Variants in CLUH observed in about 807,000 individuals in gnomAD.
CLUH encodes the protein clustered mitochondria protein homolog.
Under a neutral mutation model 139.3 loss-of-function variants are expected in CLUH, and 77 were observed. That is an observed-to-expected ratio of 0.55 (90% CI 0.46 to 0.67). The LOEUF is 0.67. Ranked by LOEUF, CLUH falls within the 30% of genes least tolerant of loss-of-function variation. CLUH has a pLI of 0.00. For missense variants in CLUH, 1,876 were observed against 1,875.8 expected (o/e 1.00, Z 0.00); for synonymous variants, 999 against 801.6 (o/e 1.25, Z -4.16).
intron 1 of CLUH, among the ~76,000 whole-genome samples, chr17:2,708,411 C>T (rs1287765411): frequency 1.3e-5 from 2 of 152,066 alleles, no homozygotes. Flanking sequence ...TGTTGACAAC[C>T]ACCTGCACTC....
chr17:2,695,338 C>G, intron 14 of CLUH, 36 bp downstream of exon 14: 2 of 1,613,270 alleles, frequency 1.2e-6, no homozygotes, highest in South Asian at 1.1e-5. Flanking sequence ...CCCAGTCCCA[C>G]AGCTCCCGTT....
At chr17:2,694,299 C>G in intron 17 of CLUH, 23 bp from the exon 18 acceptor site, 1 of 1,565,502 alleles carries the variant, frequency 6.4e-7, no homozygotes. Context: ...CCCCCCACCA[C>G]AGGAAGCCTC....
At chr17:2,700,200 T>C (rs2070122670) in intron 9 of CLUH, among the ~76,000 whole-genome samples, 182 bp downstream of exon 9, 1 of 152,074 alleles carries the variant, frequency 6.6e-6, no homozygotes, top group Non-Finnish European at 1.5e-5. Flanking sequence ...AGAAAGGTAC[T>C]GGGATGGTCT....
intron 9 of CLUH, among the ~76,000 whole-genome samples, chr17:2,699,804 G>A (rs986691208): frequency 6.6e-6 from 1 of 151,988 alleles, no homozygotes; most frequent in East Asian, 1.9e-4. Flanking sequence ...GCTAATTTTT[G>A]TATTTTTAGT....
At chr17:2,695,310 C>T (rs986716524) in intron 14 of CLUH, 30 bp from the exon 15 acceptor site, 1 of 1,613,594 alleles carries the variant, frequency 6.2e-7, no homozygotes, top group Non-Finnish European at 8.5e-7. Context: ...AGGTCTTGGT[C>T]AGGCCCCCGG....
chr17:2,703,977 C>G lies in CLUH; in HGVS notation c.303+385G>C, dbSNP rs557794324. Among the ~76,000 whole-genome samples, 9 of 152,218 alleles carry G rather than the reference C, an allele frequency of 5.9e-5. No homozygotes were observed. Among genetic ancestry groups the G allele is most frequent in the Non-Finnish European group, 1.0e-4 (7 of 68,042 alleles). ...GGCTTGCAAGACCTCCACGCTGGCTCTGCCCTTGGAGATAACCCAATACTA... is the reference window on the plus strand; with the variant it reads ...GGCTTGCAAGACCTCCACGCTGGCTGTGCCCTTGGAGATAACCCAATACTA... On this transcript the variant is annotated intron_variant, in intron 2 of 25. Coordinates refer to ENST00000651024, the MANE Select transcript of CLUH (RefSeq NM_001366661.1). This position sits in a 1 kb window ranked among gnomAD's most constrained non-coding sequence, Gnocchi z 4.2.
chr17:2,711,119 C>T (rs1275423093), intron 1 of CLUH: 1 of 152,266 alleles, frequency 6.6e-6, no homozygotes, highest in Non-Finnish European at 1.5e-5. Flanking sequence ...GGGCTGCAGC[C>T]CTGCGCACAG....
chr17:2,698,098 C>T lies in CLUH; in HGVS notation c.1759G>A (p.Val587Ile). Residue 587 changes from valine to isoleucine, a missense_variant, in exon 10 of 26, where the codon GTC becomes ATC. Coordinates refer to ENST00000651024, the MANE Select transcript of CLUH (RefSeq NM_001366661.1). ...TTGCCAATGATGCCCTTGCACTCGACCGAGGAGCAGAGCTCCACCTCCTCG... is the reference window on the plus strand; with the variant it reads ...TTGCCAATGATGCCCTTGCACTCGATCGAGGAGCAGAGCTCCACCTCCTCG... ...RDEEVELCSS[V>I]ECKGIIGNDG... is the part of the protein sequence containing the mutation. The T allele has an allele frequency of 1.2e-6, 2 of 1,603,406 alleles. No homozygotes were observed. Among genetic ancestry groups the T allele is most frequent in the Non-Finnish European group, 1.7e-6 (2 of 1,176,610 alleles).
At chr17:2,702,209 C>A (rs1364539680) in intron 3 of CLUH, among the ~76,000 whole-genome samples, 152 bp from the exon 4 acceptor site, 1 of 152,178 alleles carries the variant, frequency 6.6e-6, no homozygotes, top group Non-Finnish European at 1.5e-5. Flanking sequence ...AACACATAAG[C>A]TGGAGTTCTG....
rs777068967 is a variant in CLUH at position 2,694,205 on chromosome 17, G to A, written c.3009C>T (p.Ile1003=). The change falls in exon 18 of 26, where the codon ATC becomes ATT. Residue 1003 remains isoleucine, a synonymous_variant. Coordinates refer to ENST00000651024, the MANE Select transcript of CLUH (RefSeq NM_001366661.1). ...PAFTEEDVLN[I]FPVVKHVNPK... Reference sequence around the variant, plus strand: ...GGTTGACGTGCTTGACCACGGGGAAGATGTTGAGCACGTCCTCCTCGGTGA... The same window carrying A: ...GGTTGACGTGCTTGACCACGGGGAAAATGTTGAGCACGTCCTCCTCGGTGA... 17 of 1,613,526 alleles carry A rather than the reference G, an allele frequency of 1.1e-5. No individual in the cohort carries two copies. Among genetic ancestry groups the A allele is most frequent in the Non-Finnish European group, 1.4e-5 (16 of 1,179,712 alleles).
intron 25 of CLUH, among the ~76,000 whole-genome samples, chr17:2,690,997 G>A (rs2069603566): frequency 6.6e-6 from 1 of 152,162 alleles, no homozygotes; most frequent in South Asian, 2.1e-4. Flanking sequence ...GCTGCCCTCG[G>A]TGGCCTCCCT....
chr17:2,690,740 G>T lies in CLUH; in HGVS notation c.3901C>A (p.Arg1301=). The T allele has an allele frequency of 6.5e-7, 1 of 1,542,524 alleles. No individual in the cohort carries two copies. The change falls in exon 26 of 26, where the codon CGG becomes AGG. Residue 1301 remains arginine (R), a synonymous_variant. Transcript: ENST00000651024. ...DLENLKAEVA[R]RHQLQEASRN... ...CTGGCCTCCTGGAGCTGGTGCCGCCGCGCCACCTCGGCTTTCAGATTCTCC... is the reference window on the plus strand; with the variant it reads ...CTGGCCTCCTGGAGCTGGTGCCGCCTCGCCACCTCGGCTTTCAGATTCTCC...
chr17:2,697,874 G>T, intron 10 of CLUH, 22 bp downstream of exon 10: 1 of 1,457,326 alleles, frequency 6.9e-7, no homozygotes, highest in Non-Finnish European at 9.0e-7. Flanking sequence ...CCCGGCCCTG[G>T]TCCGGCAGGG....
intron 25 of CLUH, 52 bp downstream of exon 25, chr17:2,691,557 A>G: frequency 6.4e-7 from 1 of 1,561,756 alleles, no homozygotes; most frequent in Non-Finnish European, 8.7e-7. Context: ...CGAGACTCCG[A>G]CTCACAAAAA....
rs1432955592 is a variant in CLUH, at chr17:2,704,178, G to A, written c.303+184C>T. 2.6e-5 allele frequency among the ~76,000 whole-genome samples: 4 copies of A among 152,300 alleles called. No homozygotes were observed. Among genetic ancestry groups the A allele is most frequent in the South Asian group, 2.1e-4 (1 of 4,824 alleles). Reference sequence around the variant, plus strand: ...TGCTGTCCTCTAGCAATGGGGCAACGACCTGACCCTGGGCTCGATTCCCAC... The same window carrying A: ...TGCTGTCCTCTAGCAATGGGGCAACAACCTGACCCTGGGCTCGATTCCCAC... On this transcript the variant is annotated intron_variant, in intron 2 of 25. Coordinates refer to ENST00000651024, the MANE Select transcript of CLUH (RefSeq NM_001366661.1). This position sits in a 1 kb window ranked among gnomAD's most constrained non-coding sequence, Gnocchi z 5.7.
rs1421613947 is a variant in CLUH, at chr17:2,704,887, A to T, written c.101-323T>A. Among the ~76,000 whole-genome samples the T allele has an allele frequency of 6.6e-6, 1 of 151,898 alleles. No individual in the cohort carries two copies. Among genetic ancestry groups the T allele is most frequent in the Non-Finnish European group, 1.5e-5 (1 of 67,954 alleles). ...CCGGCCCTAACACACCTAGCTTCCC[A>T]GCAGCAGTTCCCCTCTTCCTCTCCT... is the stretch of plus-strand genomic sequence containing the variant. On this transcript the variant is annotated intron_variant, in intron 1 of 25. Coordinates refer to ENST00000651024, the MANE Select transcript of CLUH (RefSeq NM_001366661.1). The surrounding 1 kb of genome is among the most constrained non-coding windows in gnomAD (Gnocchi z 5.7).
In CLUH at chr17:2,696,850, G is replaced by A. The variant is rs772357321; in HGVS notation, c.2054C>T (p.Pro685Leu). Residue 685 changes from proline to leucine, a missense_variant, in exon 11 of 26, where the codon CCT (proline) becomes CTT (leucine). Pro to Leu is a moderately conservative substitution (Grantham distance 98). Coordinates refer to ENST00000651024, the MANE Select transcript of CLUH (RefSeq NM_001366661.1). The part of the protein sequence containing the change: ...ETPSSLENGG[P>L]SSLESKSEDP... The stretch of plus-strand genomic sequence containing the variant: ...CTCAGACTTGGACTCCAAGGAGGAA[G>A]GACCACCATTTTCCAGGGAGGAGGG... The A allele has an allele frequency of 2.5e-6, 4 of 1,613,480 alleles. No homozygotes were observed. Among genetic ancestry groups the A allele is most frequent in the Admixed American group, 1.7e-5 (1 of 59,998 alleles).
At position 2,701,620 on chromosome 17, in the gene CLUH, T is replaced by G; in HGVS notation, c.737A>C (p.Asp246Ala). The change falls in exon 5 of 26, where the codon GAC becomes GCC. Residue 246 changes from aspartate to alanine, a missense_variant. This residue lies in a region of CLUH where 270 missense variants were observed against 354.7 expected (regional missense o/e 0.76). Coordinates refer to ENST00000651024, the MANE Select transcript of CLUH (RefSeq NM_001366661.1). ...PLCPLQPQNR[D>A]WKPLQCLKVL... ...CCTCCCCCAGGATCCTACCTTCCAG[T>G]CACGGTTTTGGGGCTGCAGGGGACA... is the stretch of plus-strand genomic sequence containing the variant. 6.2e-7 allele frequency: 1 copy of G among 1,609,064 alleles called. No homozygotes were observed. The highest frequency in any genetic ancestry group is 8.5e-7 in the Non-Finnish European group (1 of 1,177,738).
rs774092523 is a variant in CLUH, at chr17:2,700,744, C to T, written c.1107G>A (p.Met369Ile). 1.3e-6 allele frequency: 2 copies of T among 1,546,690 alleles called. No individual in the cohort carries two copies. Among genetic ancestry groups the T allele is most frequent in the South Asian group, 1.3e-5 (1 of 78,926 alleles). ...SWTAPQAEHAMDCVRAEDAYT... is the reference protein window; with the variant it reads ...SWTAPQAEHAIDCVRAEDAYT... ...AGGCGTCCTCTGCACGCACGCAATC[C>T]ATGGCATGCTCCGCCTGGGGGGCTG... is the stretch of plus-strand genomic sequence containing the variant. The change falls in exon 8 of 26, where the codon ATG becomes ATA. Residue 369 changes from methionine (M) to isoleucine (I), a missense_variant. Physicochemically the swap from Met to Ile is conservative, Grantham distance 10 (BLOSUM62 1). Coordinates refer to ENST00000651024, the MANE Select transcript of CLUH (RefSeq NM_001366661.1).
Sources: allele counts gnomAD v4.1 joint callset (sites outside exome capture counted in the v4.1 genomes callset), GRCh38; gene constraint gnomAD v4.1.1; regional missense constraint gnomAD v4.1.1; non-coding constraint Gnocchi (gnomAD v3.1); transcripts MANE v1.5; gene names NCBI Gene and HGNC (gene_info 2026-07-23, HGNC 2026-07-21).